The following TSPAN9 variants were observed in gnomAD, a reference collection of about 807,000 sequenced individuals.
TSPAN9 encodes tetraspanin 9.
In TSPAN9, 16 loss-of-function variants were observed where a neutral mutation model predicts 31.0. That is an observed-to-expected ratio of 0.52 (90% CI 0.35 to 0.78). The LOEUF is 0.78. Ranked by LOEUF, TSPAN9 falls within the 30% of genes least tolerant of loss-of-function variation. TSPAN9 has a pLI of 0.01. For synonymous variants in TSPAN9, 145 were observed against 121.6 expected, an observed-to-expected ratio of 1.19 and a Z score of -1.27; for missense variants, 272 against 312.5, an observed-to-expected ratio of 0.87 and a Z score of 0.98.
At chr12:3,279,202 A>G in intron 5 of TSPAN9, 136 bp downstream of exon 5, 1 of 805,588 alleles carries the variant, frequency 1.2e-6, no homozygotes, top group Non-Finnish European at 2.0e-6. Flanking sequence ...ACATGGAACC[A>G]AGGGTTGGGA....
intron 2 of TSPAN9, among the ~76,000 whole-genome samples, chr12:3,167,702 A>G (rs1310322321): frequency 6.6e-6 from 1 of 152,140 alleles, no homozygotes; most frequent in Non-Finnish European, 1.5e-5. Flanking sequence ...AAGTGCTGTG[A>G]GCATGGTCTC....
At chr12:3,141,654 A>G (rs2098334913) in intron 2 of TSPAN9, among the ~76,000 whole-genome samples, 1 of 151,550 alleles carries the variant, frequency 6.6e-6, no homozygotes. Flanking sequence ...GTGTCTCTCC[A>G]AGTCCTAGAT....
chr12:3,105,441 A>G (rs2098313840), intron 2 of TSPAN9, among the ~76,000 whole-genome samples: 1 of 151,736 alleles, frequency 6.6e-6, no homozygotes, highest in Non-Finnish European at 1.5e-5. Context: ...TAAAAAAAAA[A>G]AAAAAAGCTA....
intron 2 of TSPAN9, among the ~76,000 whole-genome samples, chr12:3,164,598 G>A (rs993700682): frequency 1.3e-5 from 2 of 152,212 alleles, no homozygotes; most frequent in Non-Finnish European, 2.9e-5. Flanking sequence ...CTGGATCGTG[G>A]TGATGCAGAG....
intron 2 of TSPAN9, among the ~76,000 whole-genome samples, chr12:3,108,855 C>T (rs534305590): frequency 9.4e-4 from 143 of 152,006 alleles, no homozygotes; most frequent in Non-Finnish European, 1.7e-3. Context: ...TTTTATAGCA[C>T]CCTTTTGGTT....
intron 2 of TSPAN9, among the ~76,000 whole-genome samples, chr12:3,114,078 C>A (rs2098320767): frequency 6.6e-6 from 1 of 152,242 alleles, no homozygotes; most frequent in Non-Finnish European, 1.5e-5. Flanking sequence ...GCATCTCTGA[C>A]ATCTAGCTCT....
intron 7 of TSPAN9, 70 bp from the exon 8 acceptor site, chr12:3,281,664 A>C: frequency 6.6e-7 from 1 of 1,516,992 alleles, no homozygotes; most frequent in Non-Finnish European, 9.0e-7. Context: ...GGAGAGAGTG[A>C]GCTGGGGGCT....
At chr12:3,078,501 C>T (rs1186004423) in intron 1 of TSPAN9, among the ~76,000 whole-genome samples, 1 of 152,158 alleles carries the variant, frequency 6.6e-6, no homozygotes, top group African/African-American at 2.4e-5. Context: ...GATACGCAGC[C>T]AGCTTGCCAT....
chr12:3,243,209 G>A (rs1033490208), intron 3 of TSPAN9, among the ~76,000 whole-genome samples: 4 of 152,120 alleles, frequency 2.6e-5, no homozygotes, highest in Admixed American at 6.5e-5. Context: ...GTTACTGTCC[G>A]TGGTTGAGTT....
intron 3 of TSPAN9, among the ~76,000 whole-genome samples, chr12:3,212,245 C>G (rs1282199692): frequency 1.3e-5 from 2 of 152,202 alleles, no homozygotes; most frequent in Admixed American, 1.3e-4. Context: ...GCTGGGATTA[C>G]AGGCGTGAGC....
chr12:3,236,735 G>A (rs979432024), intron 3 of TSPAN9, among the ~76,000 whole-genome samples: 1 of 152,152 alleles, frequency 6.6e-6, no homozygotes, highest in East Asian at 1.9e-4. Context: ...TCCAGGCGGT[G>A]GGGTATTTTT....
intron 3 of TSPAN9, among the ~76,000 whole-genome samples, chr12:3,214,336 A>G (rs957606535): frequency 2.6e-5 from 4 of 152,172 alleles, no homozygotes; most frequent in Non-Finnish European, 4.4e-5. Flanking sequence ...CTGAAAGGGG[A>G]CTGCCTCACC....
chr12:3,179,091 T>C (rs2098357431), intron 2 of TSPAN9, among the ~76,000 whole-genome samples: 1 of 152,142 alleles, frequency 6.6e-6, no homozygotes, highest in Non-Finnish European at 1.5e-5. Flanking sequence ...AATGTTGGCA[T>C]TAGACAGGAA....
rs77727242 is a variant in TSPAN9, at chr12:3,104,352, T to A, written c.-18+20633T>A. Among the ~76,000 whole-genome samples the A allele has an allele frequency of 6.0e-5, 9 of 149,710 alleles. No individual in the cohort carries two copies. The South Asian group carries it at 8.5e-4, about 14-fold the overall frequency. ...AGTACTAATAACTGTTTTTTTTTTT[T>A]AATTGTTGTTGTTGTTTTGAGGTAG... On this transcript the variant is annotated intron_variant, in intron 2 of 8. Transcript: ENST00000011898.
chr12:3,283,138 A>G lies in TSPAN9; in HGVS notation c.*22A>G. On this transcript the variant is annotated 3_prime_UTR_variant, in exon 9 of 9. Transcript: ENST00000011898. ...ATGAGCGGGCTGGCCGGGAGTGCCCACCCCGCCCTGCTGCCCTGTGGAGGG... is the reference window on the plus strand; with the variant it reads ...ATGAGCGGGCTGGCCGGGAGTGCCCGCCCCGCCCTGCTGCCCTGTGGAGGG... 6.2e-7 allele frequency: 1 copy of G among 1,604,384 alleles called. No homozygotes were observed. The highest frequency in any genetic ancestry group is 1.3e-5 in the African/African-American group (1 of 74,902).
chr12:3,228,161 C>T (rs1005038678), intron 3 of TSPAN9, among the ~76,000 whole-genome samples: 3 of 152,124 alleles, frequency 2.0e-5, no homozygotes, highest in African/African-American at 7.2e-5. Flanking sequence ...CCAGCCTGGG[C>T]AACATCACAA....
intron 2 of TSPAN9, among the ~76,000 whole-genome samples, chr12:3,120,746 G>A (rs368192874): frequency 1.3e-5 from 2 of 152,232 alleles, no homozygotes; most frequent in Non-Finnish European, 2.9e-5. Flanking sequence ...GAGCATTGCC[G>A]CTGATCAGTC....
intron 3 of TSPAN9, among the ~76,000 whole-genome samples, chr12:3,207,550 C>T (rs1591677150): frequency 6.6e-6 from 1 of 152,258 alleles, no homozygotes; most frequent in East Asian, 1.9e-4. Flanking sequence ...GACTCTTTAA[C>T]CAGCCATGGG....
chr12:3,105,855 TTCACAC>T (rs2098314344), intron 2 of TSPAN9, among the ~76,000 whole-genome samples: 1 of 96,964 alleles, frequency 1.0e-5, no homozygotes, highest in African/African-American at 4.2e-5. Flanking sequence ...CTCACACACG[TTCACAC>T]ACACACGCTC....
Sources: gnomAD v4.1 joint callset for allele counts (sites outside exome capture counted in the v4.1 genomes callset) on GRCh38, gnomAD v4.1.1 for gene constraint, MANE v1.5 for transcripts, NCBI Gene and HGNC (gene_info 2026-07-23, HGNC 2026-07-21) for gene names.